ATOSA: variants seen among roughly 807,000 people sequenced by gnomAD.
ATOSA encodes the protein atos homolog A.
chr15:52,660,834 A>G, the ATOSA span, among the ~76,000 whole-genome samples: 4 of 152,060 alleles, frequency 2.6e-5, no homozygotes, highest in African/African-American at 9.7e-5. Context: ...TTATATTTTT[A>G]GTAGAGATGG....
the ATOSA span, among the ~76,000 whole-genome samples, chr15:52,703,585 A>G: frequency 2.0e-5 from 3 of 152,096 alleles, no homozygotes; most frequent in East Asian, 5.8e-4. Context: ...CTAGAAATCT[A>G]GTAAAGATAT....
the ATOSA span, chr15:52,608,849 C>T: frequency 1.2e-6 from 2 of 1,608,920 alleles, no homozygotes; most frequent in African/African-American, 1.3e-5. Context: ...ATTTCCAACA[C>T]AGTAACTTTT....
At chr15:52,600,289 T>A in the ATOSA span, 1 of 1,155,214 alleles carries the variant, frequency 8.7e-7, no homozygotes. Context: ...ACTTTTTTTT[T>A]TAATCTTGAG....
the ATOSA span, among the ~76,000 whole-genome samples, chr15:52,700,207 C>T: frequency 6.6e-6 from 1 of 152,212 alleles, no homozygotes; most frequent in East Asian, 1.9e-4. Context: ...TTAAAATTTG[C>T]TTGTCAATAA....
At chr15:52,685,059 A>G in the ATOSA span, among the ~76,000 whole-genome samples, 5 of 152,244 alleles carry the variant, frequency 3.3e-5, no homozygotes, top group African/African-American at 1.2e-4. Context: ...AATTTTTCAA[A>G]ATGTGGCTAA....
chr15:52,592,242 TAG>T, the ATOSA span, among the ~76,000 whole-genome samples: 1 of 152,062 alleles, frequency 6.6e-6, no homozygotes, highest in African/African-American at 2.4e-5. Flanking sequence ...TTGGGCCAGA[TAG>T]TAAGTTAGGA....
At chr15:52,676,498 T>C in the ATOSA span, among the ~76,000 whole-genome samples, 1 of 151,736 alleles carries the variant, frequency 6.6e-6, no homozygotes, top group Non-Finnish European at 1.5e-5. Context: ...AAAGATTACT[T>C]ACACTGGTTT....
the ATOSA span, chr15:52,611,524 T>G: frequency 1.9e-6 from 3 of 1,560,524 alleles, no homozygotes; most frequent in Admixed American, 3.6e-5. Context: ...TAAGAAGTAA[T>G]GGAAAACTTG....
At chr15:52,613,526 T>C in the ATOSA span, 5 of 928,098 alleles carry the variant, frequency 5.4e-6, no homozygotes, top group East Asian at 1.3e-4. Context: ...TTATTAGCTA[T>C]GGTCCAGGAT....
At chr15:52,609,670 T>G in the ATOSA span, 3 of 1,613,706 alleles carry the variant, frequency 1.9e-6, no homozygotes, top group South Asian at 3.3e-5. Flanking sequence ...CACGTTCTCA[T>G]TTTCTTGTGA....
the ATOSA span, among the ~76,000 whole-genome samples, chr15:52,696,380 C>A: frequency 6.6e-6 from 1 of 152,150 alleles, no homozygotes; most frequent in Non-Finnish European, 1.5e-5. Context: ...TCAGGCTTAT[C>A]TGGATCATTG....
At chr15:52,587,149 A>G in the ATOSA span, 2 of 1,613,518 alleles carry the variant, frequency 1.2e-6, no homozygotes, top group Non-Finnish European at 1.7e-6. Flanking sequence ...TAAAACACAT[A>G]CCACTTGTAT....
the ATOSA span, among the ~76,000 whole-genome samples, chr15:52,615,045 T>C: frequency 6.6e-6 from 1 of 152,176 alleles, no homozygotes; most frequent in Non-Finnish European, 1.5e-5. Flanking sequence ...ACTAGTTCCT[T>C]AGTCTCACAG....
At chr15:52,661,751 A>G in the ATOSA span, among the ~76,000 whole-genome samples, 2 of 152,112 alleles carry the variant, frequency 1.3e-5, no homozygotes, top group Non-Finnish European at 2.9e-5. Context: ...GACCTCCTGG[A>G]CCACAGAAGT....
the ATOSA span, among the ~76,000 whole-genome samples, chr15:52,621,970 G>A: frequency 9.9e-5 from 15 of 151,610 alleles, no homozygotes; most frequent in East Asian, 5.8e-4. Flanking sequence ...TTGCTTCAGC[G>A]TCCTGAGTAG....
At chr15:52,586,494 T>G in the ATOSA span, 2 of 152,250 alleles carry the variant, frequency 1.3e-5, no homozygotes, top group Non-Finnish European at 2.9e-5. Flanking sequence ...GCAAACTCTG[T>G]AATAGATTTG....
chr15:52,678,731 GCTC>G, the ATOSA span: 16 of 153,052 alleles, frequency 1.0e-4, no homozygotes, highest in African/African-American at 3.9e-4. Flanking sequence ...TCCGCGGCCG[GCTC>G]CGGGGGAGGT....
chr15:52,629,521 AGG>A, the ATOSA span: 5 of 176,340 alleles, frequency 2.8e-5, no homozygotes, highest in South Asian at 1.6e-4. Flanking sequence ...AAAAAAAAAA[AGG>A]CCAGGCATCG....
At chr15:52,651,119 G>A in the ATOSA span, among the ~76,000 whole-genome samples, 1 of 152,088 alleles carries the variant, frequency 6.6e-6, no homozygotes, top group Non-Finnish European at 1.5e-5. Flanking sequence ...TATTAACTAA[G>A]TCAGATATGC....
Sources: gnomAD v4.1 joint callset for allele counts (sites outside exome capture counted in the v4.1 genomes callset) on GRCh38, gnomAD v4.1.1 for gene constraint, MANE v1.5 for transcripts, NCBI Gene and HGNC (gene_info 2026-07-23, HGNC 2026-07-21) for gene names.